DPP7: variants seen among roughly 807,000 people sequenced by gnomAD.
DPP7 encodes dipeptidyl peptidase 7, also known as dipeptidyl peptidase 2.
Under a neutral mutation model 58.8 loss-of-function variants are expected in DPP7, and 74 were observed. The observed-to-expected ratio is 1.26, with a 90% CI of 1.04 to 1.53. The LOEUF is 1.53. DPP7 is among the 40% of genes most tolerant of loss of function. The pLI is 0.00. For missense variants in DPP7, 807 were observed against 692.3 expected (o/e 1.17, Z -1.86); for synonymous variants, 350 against 303.6 (o/e 1.15, Z -1.59).
Position 137,113,372 on chromosome 9 carries a change from C to A in DPP7, c.610G>T (p.Asp204Tyr). Reference sequence around the variant, plus strand: ...CAAGCCTCACTCACCGCCGTGACGTCCCGGAAGAACTGGTTGGAGTCGCCG... The same window carrying A: ...CAAGCCTCACTCACCGCCGTGACGTACCGGAAGAACTGGTTGGAGTCGCCG... Reference protein sequence around the residue: ...GLGDSNQFFRDVTADFEGQSP... With the variant: ...GLGDSNQFFRYVTADFEGQSP... The change falls in exon 5 of 13, where the codon GAC becomes TAC. Residue 204 changes from aspartate (D) to tyrosine (Y), a missense_variant. Asp to Tyr is a radical substitution (Grantham distance 160). Transcript: ENST00000371579. 1 of 1,610,788 alleles carries A rather than the reference C, an allele frequency of 6.2e-7. No homozygotes were observed. Among genetic ancestry groups the A allele is most frequent in the Non-Finnish European group, 8.5e-7 (1 of 1,178,148 alleles).
In DPP7 at chr9:137,113,374, C is replaced by G. The variant is rs199660730; in HGVS notation, c.608G>C (p.Arg203Pro). The change falls in exon 5 of 13, where the codon CGG becomes CCG. Residue 203 changes from arginine (R) to proline (P), a missense_variant. Coordinates refer to ENST00000371579, the MANE Select transcript of DPP7 (RefSeq NM_013379.3). ...AGLGDSNQFFRDVTADFEGQS... is the reference protein window; with the variant it reads ...AGLGDSNQFFPDVTADFEGQS... ...AGCCTCACTCACCGCCGTGACGTCCCGGAAGAACTGGTTGGAGTCGCCGAG... is the reference window on the plus strand; with the variant it reads ...AGCCTCACTCACCGCCGTGACGTCCGGGAAGAACTGGTTGGAGTCGCCGAG... 1.9e-6 allele frequency: 3 copies of G among 1,610,688 alleles called. No individual in the cohort carries two copies. The highest frequency in any genetic ancestry group is 1.1e-5 in the South Asian group (1 of 91,038).
upstream of DPP7, among the ~76,000 whole-genome samples, chr9:137,117,636 C>T (rs545878749): frequency 3.3e-5 from 5 of 152,348 alleles, no homozygotes; most frequent in East Asian, 1.9e-4. Flanking sequence ...GGGCCATGCC[C>T]GGCCACACAT....
At chr9:137,112,870 C>T in intron 7 of DPP7, 65 bp from the exon 8 acceptor site, 1 of 1,601,436 alleles carries the variant, frequency 6.2e-7, no homozygotes, top group South Asian at 1.1e-5. Context: ...CCCTGGCTCC[C>T]AGGATGAGGG....
At chr9:137,116,788 C>T (rs903222662), upstream of DPP7, among the ~76,000 whole-genome samples, 2 of 152,190 alleles carry the variant, frequency 1.3e-5, no homozygotes, top group East Asian at 1.9e-4. Context: ...GTGTAAAACC[C>T]GATCGTACAT....
At position 137,110,958 on chromosome 9, in the gene DPP7, C is replaced by G; in HGVS notation, c.1273-8G>C. The G allele has an allele frequency of 6.2e-7, 1 of 1,612,690 alleles. No homozygotes were observed. Among genetic ancestry groups the G allele is most frequent in the Non-Finnish European group, 8.5e-7 (1 of 1,179,756 alleles). ...ACTCAGGTTCCTCCGAATCTGTGGT[C>G]AGTGGAAAGAACTCCATCAGGTGAG... On this transcript the variant is annotated splice_polypyrimidine_tract_variant and splice_region_variant and intron_variant, in intron 11 of 12. Coordinates refer to ENST00000371579, the MANE Select transcript of DPP7 (RefSeq NM_013379.3).
intron 8 of DPP7, chr9:137,112,520 C>T (rs987118958): frequency 3.0e-6 from 2 of 662,062 alleles, no homozygotes; most frequent in Non-Finnish European, 5.1e-6. Flanking sequence ...TTGGGCAGCA[C>T]CCACCAAGCT....
At chr9:137,115,637 G>A (rs536700119), upstream of DPP7, among the ~76,000 whole-genome samples, 2 of 152,254 alleles carry the variant, frequency 1.3e-5, no homozygotes, top group Admixed American at 6.5e-5. Context: ...GTGTGGGGCT[G>A]AGCGGAGAAG....
chr9:137,115,497 T>C (rs1345323009), upstream of DPP7, among the ~76,000 whole-genome samples: 2 of 152,104 alleles, frequency 1.3e-5, no homozygotes, highest in Non-Finnish European at 2.9e-5. Context: ...GGAGTCCTGC[T>C]GGGGATGTAC....
At chr9:137,115,443 A>T (rs138269209), upstream of DPP7, among the ~76,000 whole-genome samples, 450 of 152,166 alleles carry the variant, frequency 3.0e-3, 4 homozygotes, top group East Asian at 8.1e-3. Flanking sequence ...CAGTTCAGGG[A>T]GTGGGTGAGG....
intron 4 of DPP7, 97 bp from the exon 5 acceptor site, chr9:137,113,593 T>G: frequency 2.7e-6 from 4 of 1,457,416 alleles, no homozygotes; most frequent in Non-Finnish European, 2.7e-6. Flanking sequence ...AGGACGACAC[T>G]TCTGAGACCC....
At chr9:137,112,889 C>A (rs1302578736) in intron 7 of DPP7, 64 bp downstream of exon 7, 1 of 1,604,278 alleles carries the variant, frequency 6.2e-7, no homozygotes, top group African/African-American at 1.3e-5. Context: ...GGTCAGGCCG[C>A]TGACCACCAG....
At chr9:137,114,172 AC>A (rs1214673216) in intron 3 of DPP7, 70 bp downstream of exon 3, 2 of 447,520 alleles carry the variant, frequency 4.5e-6, no homozygotes, top group African/African-American at 6.9e-5. Context: ...GTGCCCCGCG[AC>A]CCCCGCCCGC....
chr9:137,116,545 C>T (rs1334867588), upstream of DPP7, among the ~76,000 whole-genome samples: 2 of 152,224 alleles, frequency 1.3e-5, no homozygotes, highest in Admixed American at 6.5e-5. Flanking sequence ...CAGTGCACTG[C>T]GGAAAGCCGC....
chr9:137,113,403 T>C lies in DPP7; in HGVS notation c.579A>G (p.Ala193=), dbSNP rs1422963066. ...AGAACTGGTTGGAGTCGCCGAGGCCTGCCACAGCTAGAACGGGCGCGCTGG... is the reference window on the plus strand; with the variant it reads ...AGAACTGGTTGGAGTCGCCGAGGCCCGCCACAGCTAGAACGGGCGCGCTGG... ...LAASAPVLAV[A]GLGDSNQFFR... Residue 193 remains alanine, a synonymous_variant, in exon 5 of 13, where the codon GCA becomes GCG. Coordinates refer to ENST00000371579, the MANE Select transcript of DPP7 (RefSeq NM_013379.3). The C allele has an allele frequency of 3.1e-6, 5 of 1,609,784 alleles. No homozygotes were observed. Among genetic ancestry groups the C allele is most frequent in the African/African-American group, 1.3e-5 (1 of 74,904 alleles).
chr9:137,114,705 G>C lies in DPP7; in HGVS notation c.9C>G (p.Ser3=). ...GCAGCAGGACCGGGGCCCAGGGAGC[G>C]GAGCCCATGTCGCCTTCCGCGGGCG... The part of the protein sequence containing the change: MG[S]APWAPVLLLA... Residue 3 remains serine (S), a synonymous_variant, in exon 1 of 13, where the codon TCC becomes TCG. Coordinates refer to ENST00000371579, the MANE Select transcript of DPP7 (RefSeq NM_013379.3). 2 of 1,304,060 alleles carry C rather than the reference G, an allele frequency of 1.5e-6. No homozygotes were observed. The highest frequency in any genetic ancestry group is 2.9e-4 in the Middle Eastern group (1 of 3,418). 80.8% of individuals were successfully genotyped at this position (1,304,060 alleles called of 1,614,324 possible).
chr9:137,114,494 G>C lies in DPP7; in HGVS notation c.150C>G (p.Asn50Lys), dbSNP rs1205331813. The change falls in exon 2 of 13, where the codon AAC (asparagine) becomes AAG (lysine). Residue 50 changes from asparagine (N) to lysine (K), a missense_variant. This residue lies in a region of DPP7 where 168 missense variants were observed against 124.1 expected (regional missense o/e 1.35). Coordinates refer to ENST00000371579, the MANE Select transcript of DPP7 (RefSeq NM_013379.3). ...LDHFNFERFGNKTFPQRFLVS... is the reference protein window; with the variant it reads ...LDHFNFERFGKKTFPQRFLVS... Reference sequence around the variant, plus strand: ...CCAGGAAGCGCTGAGGGAAGGTCTTGTTGCCGAAGCGCTCGAAGTTGAAGT... The same window carrying C: ...CCAGGAAGCGCTGAGGGAAGGTCTTCTTGCCGAAGCGCTCGAAGTTGAAGT... 6.3e-7 allele frequency: 1 copy of C among 1,582,524 alleles called. No homozygotes were observed. The highest frequency in any genetic ancestry group is 2.3e-5 in the East Asian group (1 of 43,178).
rs1831507714 is a variant in DPP7, at chr9:137,113,961, G to A, written c.389C>T (p.Thr130Met). ...STQRGHTELLTVEQALADFAE... is the reference protein window; with the variant it reads ...STQRGHTELLMVEQALADFAE... The stretch of plus-strand genomic sequence containing the variant: ...GAAGTCGGCCAGGGCCTGCTCCACC[G>A]TCAGCAGCTCCGTGTGCCCGCGCTG... The change falls in exon 4 of 13, where the codon ACG becomes ATG. Residue 130 changes from threonine (T) to methionine (M), a missense_variant. Transcript: ENST00000371579. 3 of 1,587,268 alleles carry A rather than the reference G, an allele frequency of 1.9e-6. No homozygotes were observed. The highest frequency in any genetic ancestry group is 8.5e-7 in the Non-Finnish European group (1 of 1,172,316).
rs765859165 is a variant in DPP7, at chr9:137,114,269, C to T, written c.295G>A (p.Gly99Arg). 4 of 1,600,874 alleles carry T rather than the reference C, an allele frequency of 2.5e-6. No individual in the cohort carries two copies. Among genetic ancestry groups the T allele is most frequent in the South Asian group, 1.1e-5 (1 of 90,056 alleles). The stretch of plus-strand genomic sequence containing the variant: ...TGCTCCGCGAAGACCAGTAGAGCCC[C>T]CCGCTCGGCCGCCAGCTCCGCGACG... ...AFVAELAAER[G>R]ALLVFAEHRY... Residue 99 changes from glycine (G) to arginine (R), a missense_variant, in exon 3 of 13, where the codon GGG becomes AGG. By Grantham distance (125) the Gly-to-Arg change is moderately radical. Coordinates refer to ENST00000371579, the MANE Select transcript of DPP7 (RefSeq NM_013379.3).
In DPP7 at chr9:137,114,732, C is replaced by G; in HGVS notation, c.-19G>C. 7.9e-7 allele frequency: 1 copy of G among 1,272,110 alleles called. No homozygotes were observed. The highest frequency in any genetic ancestry group is 9.9e-7 in the Non-Finnish European group (1 of 1,012,526). 78.8% of individuals were successfully genotyped at this position (1,272,110 alleles called of 1,614,324 possible). Reference sequence around the variant, plus strand: ...AGCCCATGTCGCCTTCCGCGGGCGCCCGTCACGTGGGCGGGGTCACGGGGC... The same window carrying G: ...AGCCCATGTCGCCTTCCGCGGGCGCGCGTCACGTGGGCGGGGTCACGGGGC... On this transcript the variant is annotated 5_prime_UTR_variant, in exon 1 of 13. Transcript: ENST00000371579.
Sources: gnomAD v4.1 joint callset for allele counts (sites outside exome capture counted in the v4.1 genomes callset) on GRCh38, gnomAD v4.1.1 for gene constraint, gnomAD v4.1.1 regional missense constraint, MANE v1.5 for transcripts, NCBI Gene and HGNC (gene_info 2026-07-23, HGNC 2026-07-21) for gene names.